GCLM: variants seen among roughly 807,000 people sequenced by gnomAD.
The protein encoded by GCLM is glutamate--cysteine ligase regulatory subunit.
A neutral mutation model predicts 36.0 loss-of-function variants in GCLM; 15 were observed. The ratio of observed to expected loss-of-function variants is 0.42; its 90% CI spans 0.28 to 0.64. GCLM has a LOEUF of 0.64. Among genes scored for constraint, GCLM ranks in the 30% least tolerant of loss-of-function variants. The pLI, the probability that GCLM is intolerant of heterozygous loss-of-function variation, is 0.25. For missense variants in GCLM, 242 were observed against 325.5 expected (o/e 0.74, Z 1.97); for synonymous variants, 129 against 122.8 (o/e 1.05, Z -0.34).
At chr1:93,907,405 G>T (rs1368028804) in intron 1 of GCLM, among the ~76,000 whole-genome samples, 1 of 152,072 alleles carries the variant, frequency 6.6e-6, no homozygotes, top group African/African-American at 2.4e-5. Flanking sequence ...TAAAATAAAA[G>T]AAAAAATCAG....
chr1:93,899,746 A>G (rs1452372115), intron 3 of GCLM, among the ~76,000 whole-genome samples: 1 of 152,164 alleles, frequency 6.6e-6, no homozygotes, highest in African/African-American at 2.4e-5. Context: ...TAGTAGGTAC[A>G]ATGCATACCT....
chr1:93,907,405 GAAAAA>G (rs748843619), intron 1 of GCLM, among the ~76,000 whole-genome samples: 1 of 152,072 alleles, frequency 6.6e-6, no homozygotes, highest in Non-Finnish European at 1.5e-5. Flanking sequence ...TAAAATAAAA[GAAAAA>G]ATCAGAATAT....
At chr1:93,901,735 C>T (rs1656957541) in intron 2 of GCLM, 66 bp from the exon 3 acceptor site, 2 of 885,350 alleles carry the variant, frequency 2.3e-6, no homozygotes, top group East Asian at 2.7e-5. Flanking sequence ...ATAAAATTTT[C>T]TATTATCCAT....
In GCLM at chr1:93,896,636, C is replaced by G. The variant is rs1378181435; in HGVS notation, c.522G>C (p.Gln174His). 5 of 1,613,528 alleles carry G rather than the reference C, an allele frequency of 3.1e-6. No individual in the cohort carries two copies. Among genetic ancestry groups the G allele is most frequent in the Middle Eastern group, 1.6e-4 (1 of 6,062 alleles). The change falls in exon 5 of 7, where the codon CAG (glutamine) becomes CAC (histidine). Residue 174 changes from glutamine (Q) to histidine (H), a missense_variant. Physicochemically the swap from Gln to His is conservative, Grantham distance 24 (BLOSUM62 0). Transcript: ENST00000370238. The part of the protein sequence containing the change: ...TSDLDKTQLE[Q>H]LYQWAQVKPN... ...CCCTCACCTGTGCCCACTGATACAG[C>G]TGTTCCAACTGTGTTTTGTCTAGAT...
At chr1:93,893,454 A>C (rs577463053) in intron 6 of GCLM, among the ~76,000 whole-genome samples, 69 of 152,338 alleles carry the variant, frequency 4.5e-4, no homozygotes, top group African/African-American at 1.6e-3. Flanking sequence ...GTCTTAATAG[A>C]TTATCCATAG....
chr1:93,904,979 G>T (rs77794839), intron 1 of GCLM, among the ~76,000 whole-genome samples: 2 of 152,018 alleles, frequency 1.3e-5, no homozygotes, highest in African/African-American at 2.4e-5. Context: ...TTCAAGACCA[G>T]CCTGGCCAAC....
Position 93,886,418 on chromosome 1 carries a change from C to A in GCLM, c.*2572G>T, listed in dbSNP as rs1656304789. ...TCCTTAAATATTTGAAAAGTGTTCA[C>A]TATATTCTGATAGTTCATGAAAAAA... On this transcript the variant is annotated 3_prime_UTR_variant, in exon 7 of 7. Transcript: ENST00000370238. 1 of 151,928 alleles carries A rather than the reference C, an allele frequency of 6.6e-6. No homozygotes were observed. Among genetic ancestry groups the A allele is most frequent in the African/African-American group, 2.4e-5 (1 of 41,352 alleles). 9.4% of individuals were successfully genotyped at this position (151,928 alleles called of 1,614,324 possible).
chr1:93,893,074 G>T (rs903254559), intron 6 of GCLM, among the ~76,000 whole-genome samples: 2 of 152,126 alleles, frequency 1.3e-5, no homozygotes. Context: ...TTTTATTCTG[G>T]TATGATTTAA....
At chr1:93,898,303 GAAAAAAAAAAA>G (rs58007552) in intron 3 of GCLM, among the ~76,000 whole-genome samples, 12 of 16,442 alleles carry the variant, frequency 7.3e-4, no homozygotes, top group African/African-American at 1.7e-3. Flanking sequence ...GAAGAAAACT[GAAAAAAAAAAA>G]AAAAAAAAAA....
In GCLM at chr1:93,908,675, T is replaced by C. The variant is rs534274457; in HGVS notation, c.126+363A>G. On this transcript the variant is annotated intron_variant, in intron 1 of 6. Coordinates refer to ENST00000370238, the MANE Select transcript of GCLM (RefSeq NM_002061.4). ...AAAATATTCCTTTACCTGGACAGGG[T>C]GGGGGAAGGAAGCGAGAGATGTGGA... The C allele has an allele frequency of 5.9e-5, 10 of 170,282 alleles. No homozygotes were observed. The South Asian group carries it at 1.6e-3, about 26-fold the overall frequency. 10.5% of individuals were successfully genotyped at this position (170,282 alleles called of 1,614,324 possible).
chr1:93,901,796 A>AG, intron 2 of GCLM, 127 bp from the exon 3 acceptor site: 1 of 590,284 alleles, frequency 1.7e-6, no homozygotes, highest in African/African-American at 1.9e-5. Flanking sequence ...TCTCTACCTG[A>AG]GGTCTGGGTG....
At chr1:93,895,217 T>C (rs1369221683) in intron 5 of GCLM, among the ~76,000 whole-genome samples, 2 of 152,046 alleles carry the variant, frequency 1.3e-5, no homozygotes, top group African/African-American at 2.4e-5. Context: ...GGTTTCACCA[T>C]GTTGGTCAGG....
chr1:93,895,136 TC>T (rs1204773701), intron 5 of GCLM, among the ~76,000 whole-genome samples: 1 of 151,040 alleles, frequency 6.6e-6, no homozygotes, highest in East Asian at 2.0e-4. Flanking sequence ...TGCCTCAGCC[TC>T]CCAAGTAGCT....
chr1:93,896,511 G>A (rs1458497256), intron 5 of GCLM, 107 bp downstream of exon 5: 2 of 816,474 alleles, frequency 2.4e-6, no homozygotes, highest in Non-Finnish European at 4.1e-6. Context: ...ATGTGGAAAA[G>A]TCACCCCGCA....
intron 1 of GCLM, among the ~76,000 whole-genome samples, chr1:93,907,382 A>AATTT (rs1657181742): frequency 2.0e-5 from 3 of 152,232 alleles, no homozygotes; most frequent in African/African-American, 7.2e-5. Flanking sequence ...CAAGAAATCA[A>AATTT]CATTTTAAAA....
chr1:93,909,174 G>T lies in GCLM; in HGVS notation c.-11C>A. 1 of 1,263,934 alleles carries T rather than the reference G, an allele frequency of 7.9e-7. No individual in the cohort carries two copies. Among genetic ancestry groups the T allele is most frequent in the South Asian group, 2.6e-5 (1 of 38,326 alleles). 78.3% of individuals were successfully genotyped at this position (1,263,934 alleles called of 1,614,324 possible). ...GCTGTCGGTGCCCATGGCAGCGGCC[G>T]CCCAGGGGCCGCGCAGCGAAGGGGC... On this transcript the variant is annotated 5_prime_UTR_variant, in exon 1 of 7. Coordinates refer to ENST00000370238, the MANE Select transcript of GCLM (RefSeq NM_002061.4).
chr1:93,894,864 A>G (rs1156720750), intron 5 of GCLM, 136 bp from the exon 6 acceptor site: 4 of 581,694 alleles, frequency 6.9e-6, no homozygotes, highest in Non-Finnish European at 1.2e-5. Flanking sequence ...AGTTTACAAA[A>G]TACTTTTACA....
At chr1:93,905,908 A>G (rs1388836399) in intron 1 of GCLM, among the ~76,000 whole-genome samples, 1 of 152,182 alleles carries the variant, frequency 6.6e-6, no homozygotes, top group Non-Finnish European at 1.5e-5. Flanking sequence ...TCACTGCCTT[A>G]TTAGATAACC....
At position 93,909,396 on chromosome 1, in the gene GCLM, T is replaced by C; in HGVS notation, c.-233A>G. 1.5e-6 allele frequency: 1 copy of C among 683,140 alleles called. No individual in the cohort carries two copies. Among genetic ancestry groups the C allele is most frequent in the South Asian group, 6.6e-5 (1 of 15,154 alleles). 42.3% of individuals were successfully genotyped at this position (683,140 alleles called of 1,614,324 possible). A position where few individuals can be genotyped will look rare whatever the true frequency, so the allele number is the denominator to read the frequency against. ...CGGTGGCTGCGGCTCCGGCTCCGGC[T>C]ACTGCGGCCGCAGCGGGAGAGCTGA... On this transcript the variant is annotated 5_prime_UTR_variant, in exon 1 of 7. Coordinates refer to ENST00000370238, the MANE Select transcript of GCLM (RefSeq NM_002061.4).
Sources: allele counts gnomAD v4.1 joint callset (sites outside exome capture counted in the v4.1 genomes callset), GRCh38; gene constraint gnomAD v4.1.1; transcripts MANE v1.5; gene names NCBI Gene and HGNC (gene_info 2026-07-23, HGNC 2026-07-21).